The following CCDC91 variants were observed in gnomAD, a reference collection of about 807,000 sequenced individuals.
The protein encoded by CCDC91 is coiled-coil domain containing 91.
CCDC91 carries 48 observed loss-of-function variants against 63.2 expected under a neutral mutation model. The observed-to-expected ratio is 0.76, with a 90% CI of 0.60 to 0.97. The LOEUF (loss-of-function observed/expected upper bound fraction) is 0.97, where lower values mean the gene tolerates loss of function less well. Ranked by LOEUF, CCDC91 falls within the 50% of genes least tolerant of loss-of-function variation. The probability of loss-of-function intolerance (pLI) is 0.00; values close to 1 mark genes in which losing one functional copy is unlikely to be tolerated. For synonymous variants in CCDC91, 167 were observed against 165.8 expected, an observed-to-expected ratio of 1.01 and a Z score of -0.06; for missense variants, 500 against 494.6, an observed-to-expected ratio of 1.01 and a Z score of -0.10.
chr12:28,292,689 A>T (rs1200007741), intron 3 of CCDC91, among the ~76,000 whole-genome samples: 1 of 152,016 alleles, frequency 6.6e-6, no homozygotes, highest in Non-Finnish European at 1.5e-5. Flanking sequence ...TCTGCTGTTG[A>T]AACTATTATG....
chr12:28,362,561 A>G (rs1489226685), intron 7 of CCDC91, 46 bp downstream of exon 7: 1 of 1,245,400 alleles, frequency 8.0e-7, no homozygotes, highest in East Asian at 2.5e-5. Context: ...GGATAACTTT[A>G]GTAAAAAATG....
chr12:28,464,018 G>C (rs1592745971), intron 11 of CCDC91, among the ~76,000 whole-genome samples: 2 of 152,150 alleles, frequency 1.3e-5, no homozygotes, highest in African/African-American at 4.8e-5. Flanking sequence ...CATCCAGAGA[G>C]TGTCTCTCTG....
At chr12:28,548,330 C>T (rs1943123904) in intron 12 of CCDC91, among the ~76,000 whole-genome samples, 2 of 151,988 alleles carry the variant, frequency 1.3e-5, no homozygotes, top group South Asian at 2.1e-4. Flanking sequence ...AGTGCAGTGG[C>T]GCAATCTTGG....
At chr12:28,311,175 A>T (rs1939282661) in intron 6 of CCDC91, among the ~76,000 whole-genome samples, 1 of 151,880 alleles carries the variant, frequency 6.6e-6, no homozygotes, top group Non-Finnish European at 1.5e-5. Context: ...ATACTGCCTT[A>T]CTCCTGAGAT....
At chr12:28,344,074 G>C (rs1942630731) in intron 6 of CCDC91, among the ~76,000 whole-genome samples, 1 of 151,852 alleles carries the variant, frequency 6.6e-6, no homozygotes, top group Non-Finnish European at 1.5e-5. Context: ...GGAACCAATA[G>C]ATATTTTAAC....
chr12:28,210,014 C>G (rs1943121133), intron 1 of CCDC91, among the ~76,000 whole-genome samples: 1 of 152,202 alleles, frequency 6.6e-6, no homozygotes, highest in Admixed American at 6.5e-5. Context: ...CTACAACATG[C>G]TTGTACTTTC....
intron 11 of CCDC91, among the ~76,000 whole-genome samples, chr12:28,475,743 G>A (rs1483166470): frequency 7.2e-5 from 11 of 151,934 alleles, no homozygotes; most frequent in Non-Finnish European, 4.4e-5. Context: ...TGTGGCCCCA[G>A]TAAGAAAGCT....
chr12:28,382,499 C>T (rs185242450), intron 7 of CCDC91, among the ~76,000 whole-genome samples: 33 of 151,972 alleles, frequency 2.2e-4, no homozygotes, highest in Admixed American at 4.6e-4. Flanking sequence ...GTCAGAATGC[C>T]TTCATCATTG....
At chr12:28,475,241 C>T (rs1286955743) in intron 11 of CCDC91, among the ~76,000 whole-genome samples, 2 of 151,926 alleles carry the variant, frequency 1.3e-5, no homozygotes, top group African/African-American at 2.4e-5. Context: ...TTTTTTAAGG[C>T]TTATTATCAC....
At chr12:28,408,169 G>A (rs115635164) in intron 8 of CCDC91, among the ~76,000 whole-genome samples, 11 of 151,994 alleles carry the variant, frequency 7.2e-5, no homozygotes, top group East Asian at 3.9e-4. Context: ...GGTGTGTGAC[G>A]TTTCCCTCCC....
At chr12:28,396,644 TTGTGTG>T (rs1283305556) in intron 8 of CCDC91, among the ~76,000 whole-genome samples, 1,368 of 15,748 alleles carry the variant, frequency 0.087, 33 homozygotes, top group African/African-American at 0.099. Flanking sequence ...AAAGGAGATT[TTGTGTG>T]TGTGTGTGTG....
Position 28,224,704 on chromosome 12 carries a change from C to A in CCDC91, c.-14-32498C>A, listed in dbSNP as rs114543452. Among the ~76,000 whole-genome samples, 1,050 of 152,240 alleles carry A rather than the reference C, an allele frequency of 6.9e-3. 17 individuals are homozygous for A. The highest frequency in any genetic ancestry group is 0.024 in the African/African-American group (1,006 of 41,534). On this transcript the variant is annotated intron_variant, in intron 1 of 12. Coordinates refer to ENST00000536442, the MANE Select transcript of CCDC91 (RefSeq NM_018318.5). ...GTTTAAAGAGAAATTGAATTAAATT[C>A]TTGAGTTATTTCAGAAGTTGTAACA...
chr12:28,277,169 A>G (rs11049502), intron 3 of CCDC91, among the ~76,000 whole-genome samples: 6,104 of 152,016 alleles, frequency 0.04, 164 homozygotes, highest in Non-Finnish European at 0.063. Context: ...GGGTTCAAAT[A>G]TATTTTTATA....
At chr12:28,371,590 CTT>C (rs1944625778) in intron 7 of CCDC91, among the ~76,000 whole-genome samples, 1 of 152,136 alleles carries the variant, frequency 6.6e-6, no homozygotes, top group Non-Finnish European at 1.5e-5. Flanking sequence ...TAAACAATTG[CTT>C]TTTAAATCAG....
At chr12:28,416,914 A>G (rs1360822546) in intron 8 of CCDC91, among the ~76,000 whole-genome samples, 1 of 152,166 alleles carries the variant, frequency 6.6e-6, no homozygotes. Flanking sequence ...ACATAAATAT[A>G]TGAATTGACC....
intron 1 of CCDC91, among the ~76,000 whole-genome samples, chr12:28,247,536 A>G (rs944114162): frequency 1.4e-4 from 21 of 152,198 alleles, no homozygotes; most frequent in African/African-American, 3.9e-4. Flanking sequence ...GCCATTGAAT[A>G]AGGTTTTAAG....
chr12:28,434,810 A>G (rs1243460834), intron 8 of CCDC91, among the ~76,000 whole-genome samples: 1 of 151,454 alleles, frequency 6.6e-6, no homozygotes, highest in Non-Finnish European at 1.5e-5. Flanking sequence ...AATTTCTTTA[A>G]TAAGTATAGG....
At chr12:28,305,848 A>G in intron 4 of CCDC91, 42 bp downstream of exon 4, 5 of 1,492,136 alleles carry the variant, frequency 3.4e-6, no homozygotes, top group Non-Finnish European at 3.6e-6. Flanking sequence ...GCATATTTAA[A>G]AAATTGCCTG....
chr12:28,206,443 C>T (rs562600113), intron 1 of CCDC91, among the ~76,000 whole-genome samples: 74 of 152,174 alleles, frequency 4.9e-4, no homozygotes, highest in Admixed American at 4.8e-3. Context: ...TGCATGCAAA[C>T]ATTTAAAACC....
Sources: gnomAD v4.1 joint callset for allele counts (sites outside exome capture counted in the v4.1 genomes callset) on GRCh38, gnomAD v4.1.1 for gene constraint, MANE v1.5 for transcripts, NCBI Gene and HGNC (gene_info 2026-07-23, HGNC 2026-07-21) for gene names.